The following ACTL8 variants were observed in gnomAD, a reference collection of about 807,000 sequenced individuals.
ACTL8 encodes the protein actin-like protein 8.
A neutral mutation model predicts 9.3 loss-of-function variants in ACTL8; 3 were observed. The ratio of observed to expected loss-of-function variants is 0.32; its 90% confidence interval spans 0.15 to 0.83. ACTL8 has a LOEUF of 0.83. Ranked by LOEUF, ACTL8 falls within the 40% of genes least tolerant of loss-of-function variation. The pLI, the probability that ACTL8 is intolerant of heterozygous loss-of-function variation, is 0.57. For synonymous variants in ACTL8, 224 were observed against 205.9 expected (o/e 1.09, Z -0.75); for missense variants, 381 against 492.2 (o/e 0.77, Z 2.14).
At chr1:17,811,553 CTTA>C (rs2124183172) in intron 1 of ACTL8, among the ~76,000 whole-genome samples, 1 of 152,194 alleles carries the variant, frequency 6.6e-6, no homozygotes, top group South Asian at 2.1e-4. Context: ...CACAGATGTT[CTTA>C]TGTTTTTTGC....
intron 1 of ACTL8, among the ~76,000 whole-genome samples, chr1:17,819,697 T>C (rs1316940900): frequency 6.6e-6 from 1 of 152,226 alleles, no homozygotes; most frequent in Non-Finnish European, 1.5e-5. Flanking sequence ...ACACCTTTCA[T>C]TGAATATTCC....
At chr1:17,761,455 C>A (rs943562716) in intron 1 of ACTL8, among the ~76,000 whole-genome samples, 1 of 152,174 alleles carries the variant, frequency 6.6e-6, no homozygotes, top group Non-Finnish European at 1.5e-5. Flanking sequence ...GGCACAGACT[C>A]TGTGTGATCC....
At position 17,826,596 on chromosome 1, in the gene ACTL8, T is replaced by A. The variant is rs1487863685; in HGVS notation, c.*77T>A. ...ATTAATTTTAGCAAAATGTTCTGGG[T>A]GGGGGTAGAATGAGGTGGGGTGGGG... On this transcript the variant is annotated 3_prime_UTR_variant, in exon 3 of 3. Transcript: ENST00000375406. This position sits in a 1 kb window ranked among gnomAD's most constrained non-coding sequence, Gnocchi z 4.5. 3.7e-6 allele frequency: 5 copies of A among 1,358,088 alleles called. No individual in the cohort carries two copies. The Admixed American group carries it at 1.1e-4, about 30-fold the overall frequency. 84.1% of individuals were successfully genotyped at this position (1,358,088 alleles called of 1,614,324 possible).
chr1:17,809,190 C>T (rs563679266), intron 1 of ACTL8, among the ~76,000 whole-genome samples: 11 of 152,228 alleles, frequency 7.2e-5, no homozygotes, highest in African/African-American at 2.4e-4. Flanking sequence ...TTCCTGGAGC[C>T]TACGTTCTGG....
At chr1:17,790,780 CT>C in intron 1 of ACTL8, among the ~76,000 whole-genome samples, 1 of 152,332 alleles carries the variant, frequency 6.6e-6, no homozygotes, top group African/African-American at 2.4e-5. Flanking sequence ...CAAGGGGCAC[CT>C]GCAGGCCAGT....
chr1:17,785,364 C>T (rs1472655742), intron 1 of ACTL8, among the ~76,000 whole-genome samples: 2 of 152,332 alleles, frequency 1.3e-5, no homozygotes, highest in South Asian at 2.1e-4. Flanking sequence ...TGCTGGCAAA[C>T]ACTTGGTGAG....
chr1:17,782,992 C>T (rs2102684167), intron 1 of ACTL8, among the ~76,000 whole-genome samples: 1 of 152,330 alleles, frequency 6.6e-6, no homozygotes, highest in Admixed American at 6.5e-5. Context: ...TTTGCCAGCA[C>T]ACACCCAGTA....
intron 1 of ACTL8, among the ~76,000 whole-genome samples, chr1:17,782,899 T>G (rs544761099): frequency 6.6e-6 from 1 of 152,368 alleles, no homozygotes; most frequent in East Asian, 1.9e-4. Context: ...ATCTGGGAAC[T>G]GGCTTTAGGC....
intron 1 of ACTL8, among the ~76,000 whole-genome samples, chr1:17,813,032 G>A (rs1030749458): frequency 6.6e-6 from 1 of 152,050 alleles, no homozygotes; most frequent in African/African-American, 2.4e-5. Flanking sequence ...ATTAGTTCTA[G>A]GATCTTTTTT....
chr1:17,755,695 G>T (rs1404143305), intron 1 of ACTL8, among the ~76,000 whole-genome samples, 191 bp downstream of exon 1: 3 of 152,118 alleles, frequency 2.0e-5, no homozygotes, highest in Admixed American at 2.0e-4. Context: ...CAGACCAAGG[G>T]CTTTTCCTTA....
In ACTL8 at chr1:17,823,794, AC is replaced by A. The variant is rs2053685978; in HGVS notation, c.348+440del. Among the ~76,000 whole-genome samples, 1 of 152,058 alleles carries A rather than the reference AC, an allele frequency of 6.6e-6. No individual in the cohort carries two copies. Among genetic ancestry groups the A allele is most frequent in the Non-Finnish European group, 1.5e-5 (1 of 67,992 alleles). On this transcript the variant is annotated intron_variant, in intron 2 of 2. Coordinates refer to ENST00000375406, the MANE Select transcript of ACTL8 (RefSeq NM_030812.3). This position sits in a 1 kb window ranked among gnomAD's most constrained non-coding sequence, Gnocchi z 5.3. Reference sequence around the variant, plus strand: ...ATTGCCCCACAAACATTTCCCAAGAACCTAGTGAATGCCTGGTGTGCCACTA... The same window carrying A: ...ATTGCCCCACAAACATTTCCCAAGAACTAGTGAATGCCTGGTGTGCCACTA...
intron 1 of ACTL8, among the ~76,000 whole-genome samples, chr1:17,814,974 A>G (rs2066417185): frequency 6.6e-6 from 1 of 152,140 alleles, no homozygotes; most frequent in Non-Finnish European, 1.5e-5. Context: ...TTATTTTACA[A>G]TTGCCTGCAG....
chr1:17,787,637 AT>A (rs2066207568), intron 1 of ACTL8, among the ~76,000 whole-genome samples: 1 of 151,412 alleles, frequency 6.6e-6, no homozygotes, highest in African/African-American at 2.4e-5. Context: ...TCAACTGACC[AT>A]TCCCTATTGA....
intron 1 of ACTL8, among the ~76,000 whole-genome samples, chr1:17,759,276 C>G (rs960678502): frequency 6.6e-6 from 1 of 152,242 alleles, no homozygotes; most frequent in Non-Finnish European, 1.5e-5. Context: ...CAGTAGAGGG[C>G]GCCGAGGAGC....
At chr1:17,802,625 A>G (rs2066329836) in intron 1 of ACTL8, among the ~76,000 whole-genome samples, 1 of 152,094 alleles carries the variant, frequency 6.6e-6, no homozygotes. Flanking sequence ...TTTCTCTACC[A>G]TATTGTCTTT....
chr1:17,818,884 A>G (rs1570045600), intron 1 of ACTL8, among the ~76,000 whole-genome samples: 1 of 152,260 alleles, frequency 6.6e-6, no homozygotes, highest in East Asian at 1.9e-4. Flanking sequence ...ATGCCAGCCT[A>G]GAACCGGTTT....
rs530711886 is a variant in ACTL8, at chr1:17,805,803, A to G, written c.-24-17182A>G. On this transcript the variant is annotated intron_variant, in intron 1 of 2. Transcript: ENST00000375406. ...ATATCTGCAGAGCCCTGTGCAGTGT[A>G]TGGTACATAGAAGGTGCTCAGTAAG... 8.7e-4 allele frequency among the ~76,000 whole-genome samples: 132 copies of G among 152,272 alleles called. 4 individuals are homozygous for G. The South Asian group carries it at 0.025, about 29-fold the overall frequency.
rs183696332 is a variant in ACTL8, at chr1:17,787,656, T to C, written c.-25+32152T>C. On this transcript the variant is annotated intron_variant, in intron 1 of 2. Transcript: ENST00000375406. The stretch of plus-strand genomic sequence containing the variant: ...CTGACCATTCCCTATTGATGGGTAT[T>C]TGTTTCATTTCTCATTTTTTTTTTT... Among the ~76,000 whole-genome samples, 18 of 148,604 alleles carry C rather than the reference T, an allele frequency of 1.2e-4. No individual in the cohort carries two copies. The Admixed American group carries it at 1.3e-3, about 11-fold the overall frequency.
intron 1 of ACTL8, among the ~76,000 whole-genome samples, chr1:17,802,846 G>A (rs903515219): frequency 5.9e-5 from 9 of 152,050 alleles, no homozygotes; most frequent in Admixed American, 3.3e-4. Context: ...TTAGCTGGGC[G>A]TGGTGGTGGG....
Sources: allele counts gnomAD v4.1 joint callset (sites outside exome capture counted in the v4.1 genomes callset), GRCh38; gene constraint gnomAD v4.1.1; non-coding constraint Gnocchi (gnomAD v3.1); transcripts MANE v1.5; gene names NCBI Gene and HGNC (gene_info 2026-07-23, HGNC 2026-07-21).